The following C10orf90 variants were observed in gnomAD, a reference collection of about 807,000 sequenced individuals.
C10orf90 encodes (E2-independent) E3 ubiquitin-conjugating enzyme FATS.
In C10orf90, 56 loss-of-function variants were observed where a neutral mutation model predicts 62.5. The ratio of observed to expected loss-of-function variants is 0.90; its 90% CI spans 0.72 to 1.12. The LOEUF is 1.12. Among genes scored for constraint, C10orf90 ranks in the 50% most tolerant of loss-of-function variants. The probability of loss-of-function intolerance (pLI) is 0.00; values close to 1 mark genes in which losing one functional copy is unlikely to be tolerated. For missense variants in C10orf90, 970 were observed against 880.4 expected (o/e 1.10, Z -1.29); for synonymous variants, 386 against 340.4 (o/e 1.13, Z -1.47).
intron 1 of C10orf90, among the ~76,000 whole-genome samples, chr10:126,663,432 T>C (rs1198038622): frequency 6.6e-6 from 1 of 152,250 alleles, no homozygotes; most frequent in Non-Finnish European, 1.5e-5. Flanking sequence ...TGTGTCACTG[T>C]GCAGCCTGCA....
At chr10:126,669,732 T>C (rs1846708728) in intron 1 of C10orf90, among the ~76,000 whole-genome samples, 1 of 151,480 alleles carries the variant, frequency 6.6e-6, no homozygotes, top group African/African-American at 2.4e-5. Flanking sequence ...AAGTTGTCTC[T>C]GCTTGAAAAT....
At chr10:126,520,955 C>T in intron 2 of C10orf90, 1 of 200,766 alleles carries the variant, frequency 5.0e-6, no homozygotes, top group Admixed American at 5.9e-5. Flanking sequence ...AACTCCATGA[C>T]ATCTGCAAAG....
At position 126,504,910 on chromosome 10, in the gene C10orf90, T is replaced by C; in HGVS notation, c.581A>G (p.His194Arg). 6.2e-7 allele frequency: 1 copy of C among 1,614,190 alleles called. No individual in the cohort carries two copies. Among genetic ancestry groups the C allele is most frequent in the South Asian group, 1.1e-5 (1 of 91,084 alleles). ...GCCCGGAAGTAACGCAAATGCTCTG[T>C]GAATGTTGACTCCGCTGCGGTTAGC... Reference protein sequence around the residue: ...SLANRSGVNIHRAFALLPGRL... With the variant: ...SLANRSGVNIRRAFALLPGRL... The change falls in exon 4 of 10, where the codon CAC becomes CGC. Residue 194 changes from histidine to arginine, a missense_variant. By Grantham distance (29) the His-to-Arg change is conservative. Coordinates refer to ENST00000488181, the MANE Select transcript of C10orf90 (RefSeq NM_001350921.2). The surrounding 1 kb of genome is among the most constrained non-coding windows in gnomAD (Gnocchi z 4.1).
intron 2 of C10orf90, chr10:126,520,480 G>C (rs1372233474): frequency 6.6e-6 from 1 of 152,288 alleles, no homozygotes; most frequent in Non-Finnish European, 1.5e-5. Context: ...GACCGTGAGT[G>C]CTGCCTTCAC....
chr10:126,482,308 T>C (rs908158655), intron 4 of C10orf90, among the ~76,000 whole-genome samples: 1 of 152,208 alleles, frequency 6.6e-6, no homozygotes, highest in African/African-American at 2.4e-5. Flanking sequence ...CTTGGCTGAA[T>C]GGAACAGGTG....
chr10:126,561,733 A>G (rs1398070138), intron 2 of C10orf90, among the ~76,000 whole-genome samples: 1 of 152,092 alleles, frequency 6.6e-6, no homozygotes, highest in Non-Finnish European at 1.5e-5. Flanking sequence ...AGAATCAGGG[A>G]ACAGAGAGGA....
chr10:126,651,999 G>A lies in C10orf90; in HGVS notation c.241-5362C>T, dbSNP rs149350736. 3.9e-5 allele frequency among the ~76,000 whole-genome samples: 6 copies of A among 152,324 alleles called. No individual in the cohort carries two copies. In the East Asian group the frequency reaches 1.2e-3, roughly 29 times the overall value. On this transcript the variant is annotated intron_variant, in intron 1 of 9. Coordinates refer to ENST00000488181, the MANE Select transcript of C10orf90 (RefSeq NM_001350921.2). ...TTGGTTGGTGAGCACAGACTCTAGT[G>A]GGGATGGTATGATAGGTACTCTCTA...
intron 7 of C10orf90, among the ~76,000 whole-genome samples, chr10:126,450,734 A>C (rs938377757): frequency 2.6e-5 from 4 of 152,324 alleles, no homozygotes; most frequent in Non-Finnish European, 5.9e-5. Flanking sequence ...TGAAACTCTA[A>C]AACTACTAGA....
At position 126,453,213 on chromosome 10, in the gene C10orf90, G is replaced by A. The variant is rs544671313; in HGVS notation, c.2188+5827C>T. Among the ~76,000 whole-genome samples, 217 of 152,286 alleles carry A rather than the reference G, an allele frequency of 1.4e-3. 1 individual carries two copies. The highest frequency in any genetic ancestry group is 5.0e-3 in the African/African-American group (206 of 41,552). On this transcript the variant is annotated intron_variant, in intron 7 of 9. Transcript: ENST00000488181. The surrounding 1 kb of genome is among the most constrained non-coding windows in gnomAD (Gnocchi z 4.9). ...TGACTTGGCTCACCTTGGGAAGTGC[G>A]GATAATGCAATTTGGATGAATTCAG...
intron 2 of C10orf90, among the ~76,000 whole-genome samples, chr10:126,559,217 G>T (rs1864847368): frequency 6.6e-6 from 1 of 152,102 alleles, no homozygotes; most frequent in Admixed American, 6.5e-5. Context: ...ACTCCTTATT[G>T]TATGTTTCCT....
intron 2 of C10orf90, among the ~76,000 whole-genome samples, chr10:126,627,980 C>A (rs1193896309): frequency 6.6e-6 from 1 of 152,172 alleles, no homozygotes; most frequent in Non-Finnish European, 1.5e-5. Flanking sequence ...AGAAAACTTG[C>A]TTGTTCTTTT....
At chr10:126,598,977 C>A (rs1266465451) in intron 2 of C10orf90, among the ~76,000 whole-genome samples, 1 of 152,096 alleles carries the variant, frequency 6.6e-6, no homozygotes, top group Non-Finnish European at 1.5e-5. Context: ...TTCACATGTA[C>A]ATGTTGGCAA....
At chr10:126,640,082 T>TA (rs530066575) in intron 2 of C10orf90, among the ~76,000 whole-genome samples, 10 of 152,360 alleles carry the variant, frequency 6.6e-5, no homozygotes, top group Non-Finnish European at 1.2e-4. Flanking sequence ...TGCATCCTCT[T>TA]ATGGCCTCCA....
chr10:126,461,520 T>G lies in C10orf90; in HGVS notation c.1891A>C (p.Thr631Pro). 6.2e-7 allele frequency: 1 copy of G among 1,614,042 alleles called. No individual in the cohort carries two copies. The highest frequency in any genetic ancestry group is 8.5e-7 in the Non-Finnish European group (1 of 1,179,992). ...KECKKSEDPTTPEPSPAAPSP... is the reference protein window; with the variant it reads ...KECKKSEDPTPPEPSPAAPSP... Reference sequence around the variant, plus strand: ...GGTGCTGCTGGGGAGGGCTCAGGTGTGGTGGGGTCCTCACTCTTCTTACAT... The same window carrying G: ...GGTGCTGCTGGGGAGGGCTCAGGTGGGGTGGGGTCCTCACTCTTCTTACAT... The change falls in exon 6 of 10, where the codon ACA becomes CCA. Residue 631 changes from threonine (T) to proline (P), a missense_variant. By Grantham distance (38) the Thr-to-Pro change is conservative. Transcript: ENST00000488181.
chr10:126,621,054 A>G (rs553880172), intron 2 of C10orf90, among the ~76,000 whole-genome samples: 5 of 152,324 alleles, frequency 3.3e-5, no homozygotes, highest in East Asian at 3.9e-4. Flanking sequence ...ACCAAAATTT[A>G]TATAACCTTT....
In C10orf90 at chr10:126,507,430, TAGAC is replaced by T. The variant is rs370074817; in HGVS notation, c.406-2349_406-2346del. Among the ~76,000 whole-genome samples the T allele has an allele frequency of 1.4e-3, 177 of 128,650 alleles. 1 individual carries two copies. Among genetic ancestry groups the T allele is most frequent in the Admixed American group, 2.4e-3 (30 of 12,408 alleles). The allele number at this position is 128,650 out of a possible 152,430, so 84.4% of individuals were successfully genotyped here. A position where few individuals can be genotyped will look rare whatever the true frequency, so the allele number is the denominator to read the frequency against. ...CCAGAGATGAGTGAAAAAGAAGAAA[TAGAC>T]AGGAGAGTCATTTTAAAATTTACTT... On this transcript the variant is annotated intron_variant, in intron 3 of 9. Coordinates refer to ENST00000488181, the MANE Select transcript of C10orf90 (RefSeq NM_001350921.2).
rs116098307 is a variant in C10orf90, at chr10:126,514,346, A to G, written c.314-407T>C. On this transcript the variant is annotated intron_variant, in intron 2 of 9. Transcript: ENST00000488181. Reference sequence around the variant, plus strand: ...ATACTGATCTTCATTCAGCCTCTTAATGCAACCATCATTGGAGGGGTCATG... The same window carrying G: ...ATACTGATCTTCATTCAGCCTCTTAGTGCAACCATCATTGGAGGGGTCATG... 1.0e-3 allele frequency among the ~76,000 whole-genome samples: 159 copies of G among 152,338 alleles called. 1 individual carries two copies. Among genetic ancestry groups the G allele is most frequent in the African/African-American group, 3.4e-3 (142 of 41,576 alleles).
intron 4 of C10orf90, among the ~76,000 whole-genome samples, chr10:126,487,004 G>T (rs917769667): frequency 4.0e-5 from 6 of 151,872 alleles, no homozygotes; most frequent in South Asian, 4.2e-4. Flanking sequence ...AAGTAGCTGG[G>T]TGTGGTGGCA....
intron 2 of C10orf90, 90 bp from the exon 3 acceptor site, chr10:126,514,029 A>G: frequency 1.0e-5 from 9 of 875,204 alleles, no homozygotes; most frequent in South Asian, 1.6e-5. Context: ...AATGTCACCT[A>G]CTCACATATT....
Sources: allele counts gnomAD v4.1 joint callset (sites outside exome capture counted in the v4.1 genomes callset), GRCh38; gene constraint gnomAD v4.1.1; non-coding constraint Gnocchi (gnomAD v3.1); transcripts MANE v1.5; gene names NCBI Gene and HGNC (gene_info 2026-07-23, HGNC 2026-07-21).